The following SEC24B variants were observed in gnomAD, a reference collection of about 807,000 sequenced individuals.
SEC24B encodes SEC24 homolog B, COPII component, also known as protein transport protein Sec24B.
SEC24B carries 45 observed loss-of-function variants against 142.8 expected under a neutral mutation model. The observed-to-expected ratio is 0.32, with a 90% CI of 0.25 to 0.40. The LOEUF is 0.40. Ranked by LOEUF, SEC24B falls within the 10% of genes least tolerant of loss-of-function variation. The pLI is 1.00. For synonymous variants in SEC24B, 574 were observed against 568.2 expected (o/e 1.01, Z -0.15); for missense variants, 1,409 against 1,526.8 (o/e 0.92, Z 1.29).
chr4:109,500,121 G>A (rs1196443310), intron 6 of SEC24B, among the ~76,000 whole-genome samples: 1 of 152,178 alleles, frequency 6.6e-6, no homozygotes, highest in African/African-American at 2.4e-5. Flanking sequence ...ATAGAAAAAA[G>A]TTACGGAATA....
At chr4:109,532,779 T>G (rs770469952) in intron 21 of SEC24B, 36 bp downstream of exon 21, 10 of 1,055,250 alleles carry the variant, frequency 9.5e-6, no homozygotes, top group Non-Finnish European at 1.2e-5. Context: ...TAACACTGTT[T>G]GAGCTGACCA....
rs745593065 is a variant in SEC24B, at chr4:109,494,829, A to G, written c.1461A>G (p.Val487=). 1 of 1,614,026 alleles carries G rather than the reference A, an allele frequency of 6.2e-7. No individual in the cohort carries two copies. Among genetic ancestry groups the G allele is most frequent in the Non-Finnish European group, 8.5e-7 (1 of 1,179,864 alleles). ...CTGGAGTACAGCCCAGTAACCCGGTATATTCTGGATTCCAGCAGTATCCTC... is the reference window on the plus strand; with the variant it reads ...CTGGAGTACAGCCCAGTAACCCGGTGTATTCTGGATTCCAGCAGTATCCTC... ...LISGVQPSNP[V]YSGFQQYPQQ... is the part of the protein sequence containing the mutation. The change falls in exon 6 of 24, where the codon GTA becomes GTG. Residue 487 remains valine (V), a synonymous_variant. Coordinates refer to ENST00000265175, the MANE Select transcript of SEC24B (RefSeq NM_006323.5).
intron 11 of SEC24B, among the ~76,000 whole-genome samples, chr4:109,517,768 T>A (rs956031273): frequency 7.2e-5 from 11 of 152,288 alleles, no homozygotes; most frequent in Admixed American, 3.3e-4. Flanking sequence ...AGGATTTTTT[T>A]AAAAAGAATC....
At chr4:109,481,334 T>C (rs1733716365) in intron 3 of SEC24B, among the ~76,000 whole-genome samples, 1 of 152,144 alleles carries the variant, frequency 6.6e-6, no homozygotes, top group African/African-American at 2.4e-5. Flanking sequence ...AAAGGAAATA[T>C]ACCACAGGGC....
In SEC24B at chr4:109,524,893, G is replaced by A; in HGVS notation, c.2584G>A (p.Val862Met). Residue 862 changes from valine (V) to methionine (M), a missense_variant, in exon 15 of 24, where the codon GTG (valine) becomes ATG (methionine). Physicochemically the swap from Val to Met is conservative, Grantham distance 21. Coordinates refer to ENST00000265175, the MANE Select transcript of SEC24B (RefSeq NM_006323.5). ...ALDCSGQQTAVDLFLLSSQYS... is the reference protein window; with the variant it reads ...ALDCSGQQTAMDLFLLSSQYS... ...AGATTGCTCGGGACAGCAAACTGCA[G>A]TGGATTTGTTCCTTTTAAGTTCACA... 1.2e-6 allele frequency: 2 copies of A among 1,612,632 alleles called. No homozygotes were observed. The highest frequency in any genetic ancestry group is 1.7e-6 in the Non-Finnish European group (2 of 1,179,204).
intron 4 of SEC24B, among the ~76,000 whole-genome samples, chr4:109,486,488 T>A (rs1276178485): frequency 6.6e-6 from 1 of 152,240 alleles, no homozygotes; most frequent in Non-Finnish European, 1.5e-5. Context: ...TCTTCTGATC[T>A]GTTCTCCTCG....
chr4:109,524,092 T>C (rs1723955738), intron 14 of SEC24B, among the ~76,000 whole-genome samples: 1 of 152,188 alleles, frequency 6.6e-6, no homozygotes, highest in African/African-American at 2.4e-5. Context: ...AGGAAGCTGA[T>C]ATATATTTAC....
intron 12 of SEC24B, among the ~76,000 whole-genome samples, 177 bp downstream of exon 12, chr4:109,520,661 A>G (rs866527048): frequency 1.3e-5 from 2 of 152,238 alleles, no homozygotes; most frequent in Admixed American, 1.3e-4. Context: ...TGTATTACAC[A>G]CATGTATGTA....
chr4:109,465,008 A>G (rs181475536), intron 2 of SEC24B, among the ~76,000 whole-genome samples: 2 of 152,338 alleles, frequency 1.3e-5, no homozygotes, highest in African/African-American at 2.4e-5. Context: ...TTCTGTACCT[A>G]TAGACATTAA....
At chr4:109,434,110 G>C in intron 1 of SEC24B, 108 bp downstream of exon 1, 1 of 775,496 alleles carries the variant, frequency 1.3e-6, no homozygotes, top group Non-Finnish European at 1.6e-6. Flanking sequence ...TCGGGGCCAG[G>C]CCCGGCCCGA....
At chr4:109,481,552 A>G in intron 3 of SEC24B, 125 bp from the exon 4 acceptor site, 1 of 653,442 alleles carries the variant, frequency 1.5e-6, no homozygotes, top group East Asian at 2.5e-5. Context: ...TGCTAATATT[A>G]ATATGCATGT....
chr4:109,447,957 A>G (rs988699379), intron 1 of SEC24B, among the ~76,000 whole-genome samples: 5 of 152,184 alleles, frequency 3.3e-5, no homozygotes, highest in African/African-American at 9.7e-5. Flanking sequence ...TCCTTGGTCC[A>G]TGGCCCACTT....
At chr4:109,493,203 A>T (rs960027311) in intron 5 of SEC24B, among the ~76,000 whole-genome samples, 86 of 152,242 alleles carry the variant, frequency 5.6e-4, no homozygotes, top group African/African-American at 1.9e-3. Flanking sequence ...ATCCTTGCCT[A>T]ATCAGCACAA....
intron 7 of SEC24B, 88 bp from the exon 8 acceptor site, chr4:109,509,921 G>T: frequency 1.4e-6 from 1 of 722,438 alleles, no homozygotes; most frequent in Non-Finnish European, 2.2e-6. Context: ...TTTCACTTAT[G>T]TCCTTAAATG....
intron 6 of SEC24B, among the ~76,000 whole-genome samples, chr4:109,505,671 T>C (rs1215104301): frequency 6.6e-6 from 1 of 152,186 alleles, no homozygotes; most frequent in African/African-American, 2.4e-5. Context: ...TCATCTCTAC[T>C]TAAAAGGAGC....
At chr4:109,445,242 GTT>G (rs70949078) in intron 1 of SEC24B, among the ~76,000 whole-genome samples, 1,446 of 112,710 alleles carry the variant, frequency 0.013, 21 homozygotes, top group African/African-American at 0.052. Flanking sequence ...TTCTTTCTTT[GTT>G]TTTTTTTTTT....
At chr4:109,473,758 A>G (rs1311751802) in intron 3 of SEC24B, among the ~76,000 whole-genome samples, 3 of 152,134 alleles carry the variant, frequency 2.0e-5, no homozygotes, top group Non-Finnish European at 4.4e-5. Flanking sequence ...CTGCTTCCCC[A>G]CATTGTTTCT....
At position 109,521,623 on chromosome 4, in the gene SEC24B, A is replaced by G; in HGVS notation, c.2505A>G (p.Thr835=). Residue 835 remains threonine, a synonymous_variant, in exon 14 of 24, where the codon ACA becomes ACG. Coordinates refer to ENST00000265175, the MANE Select transcript of SEC24B (RefSeq NM_006323.5). Reference sequence around the variant, plus strand: ...AAGATCCTAATCAGAGATCAAGTACAAAGGTATTTTATGTTTAGTTTTTTG... The same window carrying G: ...AAGATCCTAATCAGAGATCAAGTACGAAGGTATTTTATGTTTAGTTTTTTG... The part of the protein sequence containing the change: ...SREDPNQRSS[T]KVVQHLGPAT... 6.2e-7 allele frequency: 1 copy of G among 1,605,590 alleles called. No homozygotes were observed. The highest frequency in any genetic ancestry group is 1.1e-5 in the South Asian group (1 of 90,468).
chr4:109,446,441 GC>G (rs1212695626), intron 1 of SEC24B, among the ~76,000 whole-genome samples: 3 of 152,192 alleles, frequency 2.0e-5, no homozygotes, highest in Admixed American at 1.3e-4. Flanking sequence ...ACACTTTGTA[GC>G]CCAGTGAAAC....
Sources: gnomAD v4.1 joint callset for allele counts (sites outside exome capture counted in the v4.1 genomes callset) on GRCh38, gnomAD v4.1.1 for gene constraint, MANE v1.5 for transcripts, NCBI Gene and HGNC (gene_info 2026-07-23, HGNC 2026-07-21) for gene names.